The following ITGB1BP2 variants were observed in gnomAD, a reference collection of about 807,000 sequenced individuals.
The protein encoded by ITGB1BP2 is integrin subunit beta 1 binding protein 2.
Under a neutral mutation model 32.2 loss-of-function variants are expected in ITGB1BP2, and 27 were observed. That is an observed-to-expected ratio of 0.84 (90% CI 0.62 to 1.16). The LOEUF is 1.16. Among genes scored for constraint, ITGB1BP2 ranks in the 50% most tolerant of loss-of-function variants. The probability of loss-of-function intolerance (pLI) is 0.00; values close to 1 mark genes in which losing one functional copy is unlikely to be tolerated. For missense variants in ITGB1BP2, 250 were observed against 267.3 expected (o/e 0.94, Z 0.45); for synonymous variants, 105 against 94.7 (o/e 1.11, Z -0.63).
chrX:71,302,676 G>T (rs2031635199), intron 4 of ITGB1BP2, 120 bp downstream of exon 4: 1 of 802,676 alleles, frequency 1.2e-6, no homozygotes, highest in Non-Finnish European at 1.7e-6. Flanking sequence ...AGATGTCAGG[G>T]TTTGGATGGT....
intron 5 of ITGB1BP2, 28 bp downstream of exon 5, chrX:71,303,384 T>C (rs1372390975): frequency 2.5e-6 from 3 of 1,206,271 alleles, no homozygotes; most frequent in Non-Finnish European, 3.4e-6. Flanking sequence ...AGGATCAACT[T>C]CATAGACTGG....
In ITGB1BP2 at chrX:71,304,398, A is replaced by G. The variant is rs1011332946; in HGVS notation, c.753+98A>G. The G allele has an allele frequency of 4.6e-6, 4 of 873,603 alleles. No homozygotes were observed. In the African/African-American group the frequency reaches 5.9e-5, roughly 13 times the overall value. The allele number at this position is 873,603 out of a possible 1,213,427, so 72.0% of individuals were successfully genotyped here. A position where few individuals can be genotyped will look rare whatever the true frequency, so the allele number is the denominator to read the frequency against. ...CATTTGCTGTTAACCTGTAGGCTCC[A>G]TAGTACCCTTAGAGGAAAGGAGAGT... On this transcript the variant is annotated intron_variant, in intron 9 of 10. Transcript: ENST00000373829.
At chrX:71,302,039 T>C (rs1223763081) in intron 1 of ITGB1BP2, 98 bp from the exon 2 acceptor site, 6 of 978,481 alleles carry the variant, frequency 6.1e-6, no homozygotes, top group Non-Finnish European at 8.4e-6. Flanking sequence ...TCACATTATA[T>C]GGGAAGAAAC....
intron 10 of ITGB1BP2, 72 bp from the exon 11 acceptor site, chrX:71,304,893 A>C (rs954728214): frequency 2.3e-5 from 20 of 862,996 alleles, no homozygotes; most frequent in Non-Finnish European, 3.4e-5. Flanking sequence ...ATTTGTCACC[A>C]CTCCACCCTG....
chrX:71,304,358 C>T, intron 9 of ITGB1BP2, 58 bp downstream of exon 9: 1 of 967,884 alleles, frequency 1.0e-6, no homozygotes, highest in South Asian at 2.0e-5. Flanking sequence ...ACTACAATCT[C>T]ACAGGCAGAG....
In ITGB1BP2 at chrX:71,302,258, C is replaced by T. The variant is rs760856364; in HGVS notation, c.115-19C>T. The T allele has an allele frequency of 4.1e-6, 5 of 1,211,195 alleles. No homozygotes were observed. In the South Asian group the frequency reaches 8.8e-5, roughly 21 times the overall value. Reference sequence around the variant, plus strand: ...ATAATACCCAGGAAGCTAAGCTGATCTGGGTCTCTTGTTATCAGGGTTGGT... The same window carrying T: ...ATAATACCCAGGAAGCTAAGCTGATTTGGGTCTCTTGTTATCAGGGTTGGT... On this transcript the variant is annotated intron_variant, in intron 2 of 10. Coordinates refer to ENST00000373829, the MANE Select transcript of ITGB1BP2 (RefSeq NM_012278.4).
rs747308455 is a variant in ITGB1BP2, at chrX:71,304,217, C to G, written c.670C>G (p.Gln224Glu). 8.3e-7 allele frequency: 1 copy of G among 1,210,188 alleles called. No homozygotes were observed. The highest frequency in any genetic ancestry group is 3.0e-5 in the East Asian group (1 of 33,842). The change falls in exon 9 of 11, where the codon CAG (glutamine) becomes GAG (glutamate). Residue 224 changes from glutamine (Q) to glutamate (E), a missense_variant. Coordinates refer to ENST00000373829, the MANE Select transcript of ITGB1BP2 (RefSeq NM_012278.4). ...LPASCRHDWHQTDSLVVVTVY... is the reference protein window; with the variant it reads ...LPASCRHDWHETDSLVVVTVY... ...AGCATCTTGCCGCCATGATTGGCAC[C>G]AGACAGATTCCTTAGTAGTGGTGAC...
chrX:71,303,198 G>GGA, intron 4 of ITGB1BP2, 64 bp from the exon 5 acceptor site: 1 of 944,733 alleles, frequency 1.1e-6, no homozygotes, highest in Non-Finnish European at 1.5e-6. Flanking sequence ...ACCATCGGTG[G>GGA]GAGTGTTGGA....
intron 10 of ITGB1BP2, 128 bp downstream of exon 10, chrX:71,304,732 C>A: frequency 1.8e-6 from 1 of 555,310 alleles, no homozygotes; most frequent in Non-Finnish European, 2.9e-6. Context: ...CATTTGCTTT[C>A]ATTTTCTCTC....
At chrX:71,304,655 C>T (rs781735144) in intron 10 of ITGB1BP2, 51 bp downstream of exon 10, 34 of 1,027,139 alleles carry the variant, frequency 3.3e-5, no homozygotes, top group Middle Eastern at 3.4e-4. Flanking sequence ...GGTGAAAGAG[C>T]GGCTAGACTG....
Position 71,301,796 on chromosome X carries a change from C to T in ITGB1BP2, c.-11C>T, listed in dbSNP as rs2031613161. 1 of 1,203,169 alleles carries T rather than the reference C, an allele frequency of 8.3e-7. No individual in the cohort carries two copies. The highest frequency in any genetic ancestry group is 2.2e-5 in the Admixed American group (1 of 45,404). ...AAATACCCTTTCAGTAATCATTCAA[C>T]CAACGCTTCCATGTCTCTACTCTGT... On this transcript the variant is annotated 5_prime_UTR_variant, in exon 1 of 11. Transcript: ENST00000373829.
Position 71,301,793 on chromosome X carries a change from C to A in ITGB1BP2, c.-14C>A, listed in dbSNP as rs1378793188. 1 of 1,202,847 alleles carries A rather than the reference C, an allele frequency of 8.3e-7. No individual in the cohort carries two copies. The highest frequency in any genetic ancestry group is 1.1e-6 in the Non-Finnish European group (1 of 889,402). The stretch of plus-strand genomic sequence containing the variant: ...TTGAAATACCCTTTCAGTAATCATT[C>A]AACCAACGCTTCCATGTCTCTACTC... On this transcript the variant is annotated 5_prime_UTR_variant, in exon 1 of 11. Transcript: ENST00000373829.
rs373732289 is a variant in ITGB1BP2, at chrX:71,303,685, G to C, written c.527G>C (p.Arg176Pro). 2.5e-6 allele frequency: 3 copies of C among 1,209,094 alleles called. No homozygotes were observed. In the East Asian group the frequency reaches 8.9e-5, roughly 36 times the overall value. Reference protein sequence around the residue: ...TPCTYHPGAPRFHEGMKSWSC... With the variant: ...TPCTYHPGAPPFHEGMKSWSC... ...TGTACCTACCACCCAGGAGCACCCC[G>C]ATTCCATGAGGGGTGAGGGAGGGGA... is the stretch of plus-strand genomic sequence containing the variant. The change falls in exon 7 of 11, where the codon CGA becomes CCA. Residue 176 changes from arginine (R) to proline (P), a missense_variant. Physicochemically the swap from Arg to Pro is moderately radical, Grantham distance 103 (BLOSUM62 -2). Coordinates refer to ENST00000373829, the MANE Select transcript of ITGB1BP2 (RefSeq NM_012278.4).
At chrX:71,304,869 A>T in intron 10 of ITGB1BP2, 96 bp from the exon 11 acceptor site, 1 of 657,048 alleles carries the variant, frequency 1.5e-6, no homozygotes, top group South Asian at 2.7e-5. Flanking sequence ...CCTTATTAAA[A>T]ATTTCTCTCT....
chrX:71,303,508 T>A lies in ITGB1BP2; in HGVS notation c.460T>A (p.Cys154Ser). ...TGGTTCCAGCTGCCAGAACCCAGGA[T>A]GTGATGCTGTGAGTGAGAGTTTTGA... ...RTGSSCQNPG[C>S]DAVYQGPESD... Residue 154 changes from cysteine (C) to serine (S), a missense_variant, in exon 6 of 11, where the codon TGT becomes AGT. Physicochemically the swap from Cys to Ser is moderately radical, Grantham distance 112. Transcript: ENST00000373829. 8.3e-7 allele frequency: 1 copy of A among 1,211,152 alleles called. No individual in the cohort carries two copies.
Position 71,301,818 on chromosome X carries a change from C to G in ITGB1BP2, c.12C>G (p.Leu4=), listed in dbSNP as rs970934383. MSL[L]CRNKGCGQHF... ...CAACCAACGCTTCCATGTCTCTACT[C>G]TGTCGTAACAAAGGCTGTGGGCAGC... is the stretch of plus-strand genomic sequence containing the variant. The change falls in exon 1 of 11, where the codon CTC becomes CTG. Residue 4 remains leucine (L), a synonymous_variant. Transcript: ENST00000373829. The G allele has an allele frequency of 4.1e-6, 5 of 1,209,996 alleles. No homozygotes were observed. The highest frequency in any genetic ancestry group is 3.0e-5 in the East Asian group (1 of 33,830).
chrX:71,301,787 A>T lies in ITGB1BP2; in HGVS notation c.-20A>T. On this transcript the variant is annotated 5_prime_UTR_variant, in exon 1 of 11. Coordinates refer to ENST00000373829, the MANE Select transcript of ITGB1BP2 (RefSeq NM_012278.4). ...GACTCCTTGAAATACCCTTTCAGTA[A>T]TCATTCAACCAACGCTTCCATGTCT... 8.3e-7 allele frequency: 1 copy of T among 1,199,465 alleles called. No individual in the cohort carries two copies. The highest frequency in any genetic ancestry group is 1.8e-5 in the South Asian group (1 of 56,622).
Position 71,304,955 on chromosome X carries a change from T to G in ITGB1BP2, c.817-10T>G. The G allele has an allele frequency of 1.7e-6, 2 of 1,188,692 alleles. No individual in the cohort carries two copies. Among genetic ancestry groups the G allele is most frequent in the Non-Finnish European group, 2.3e-6 (2 of 874,974 alleles). On this transcript the variant is annotated splice_polypyrimidine_tract_variant and intron_variant, in intron 10 of 10. Coordinates refer to ENST00000373829, the MANE Select transcript of ITGB1BP2 (RefSeq NM_012278.4). ...CTCTCTTTCTTCTGTTTTCCTTTGC[T>G]CCTCCTCAGGTCATAAACGTGGAGC...
chrX:71,303,121 G>T, intron 4 of ITGB1BP2, 141 bp from the exon 5 acceptor site: 1 of 490,919 alleles, frequency 2.0e-6, no homozygotes, highest in Non-Finnish European at 3.4e-6. Context: ...GATGAAAATT[G>T]GCAATGGGGT....
Sources: allele counts gnomAD v4.1 joint callset, GRCh38; gene constraint gnomAD v4.1.1; transcripts MANE v1.5; gene names NCBI Gene and HGNC (gene_info 2026-07-23, HGNC 2026-07-21).